Variants in FARS2 observed in about 807,000 individuals in gnomAD.
FARS2 encodes the protein phenylalanyl-tRNA synthetase 2, mitochondrial, also known as phenylalanine--tRNA ligase, mitochondrial.
Under a neutral mutation model 46.4 loss-of-function variants are expected in FARS2, and 40 were observed. That is an observed-to-expected ratio of 0.86 (90% CI 0.67 to 1.12). The LOEUF (loss-of-function observed/expected upper bound fraction) is 1.12, where lower values mean the gene tolerates loss of function less well. Ranked by LOEUF, FARS2 falls within the 50% of genes most tolerant of loss-of-function variation. FARS2 has a pLI of 0.00. For synonymous variants in FARS2, 234 were observed against 214.9 expected (o/e 1.09, Z -0.78); for missense variants, 513 against 567.9 (o/e 0.90, Z 0.98).
upstream of FARS2, among the ~76,000 whole-genome samples, chr6:5,260,114 T>C (rs1215879330): frequency 6.6e-6 from 1 of 152,208 alleles, no homozygotes; most frequent in Non-Finnish European, 1.5e-5. Flanking sequence ...CTTTTTCCTT[T>C]TCCGCTACGC....
rs562931868 is a variant in FARS2, at chr6:5,360,096, G to A, written c.-21-8454G>A. 2.0e-5 allele frequency among the ~76,000 whole-genome samples: 3 copies of A among 152,318 alleles called. No homozygotes were observed. The South Asian group carries it at 6.2e-4, about 32-fold the overall frequency. ...TCTAAATGGATGAAACTCAGGAAAA[G>A]GGTGTGAGATGCTCTCGGTACAACT... On this transcript the variant is annotated intron_variant, in intron 1 of 6. Transcript: ENST00000274680.
intron 1 of FARS2, among the ~76,000 whole-genome samples, chr6:5,342,924 C>T (rs72815644): frequency 6.6e-6 from 1 of 152,004 alleles, no homozygotes; most frequent in South Asian, 2.1e-4. Context: ...ATCAGAATAT[C>T]CTGGGAACTC....
At chr6:5,616,814 C>T (rs571028331) in intron 6 of FARS2, among the ~76,000 whole-genome samples, 12 of 152,032 alleles carry the variant, frequency 7.9e-5, no homozygotes, top group Non-Finnish European at 7.4e-5. Context: ...CTGATATGGC[C>T]GTAGCTTCAC....
chr6:5,434,577 G>A (rs879532386), intron 4 of FARS2, among the ~76,000 whole-genome samples: 3 of 152,200 alleles, frequency 2.0e-5, no homozygotes, highest in Non-Finnish European at 4.4e-5. Context: ...GATGTCTGTA[G>A]TTAAAATCTG....
At chr6:5,607,281 ATGTATGTGTGTGTGTG>A (rs58352134) in intron 5 of FARS2, among the ~76,000 whole-genome samples, 46,200 of 147,284 alleles carry the variant, frequency 0.31, 7,746 homozygotes, top group East Asian at 0.63. Flanking sequence ...AAAGAATAAT[ATGTATGTGTGTGTGTG>A]TGTGTGTGTG....
At chr6:5,399,052 G>C (rs949824578) in intron 2 of FARS2, among the ~76,000 whole-genome samples, 1 of 151,044 alleles carries the variant, frequency 6.6e-6, no homozygotes, top group East Asian at 1.9e-4. Flanking sequence ...CATTTATTTA[G>C]AATAAACTTC....
chr6:5,378,208 A>G (rs899621802), intron 2 of FARS2, among the ~76,000 whole-genome samples: 1 of 152,060 alleles, frequency 6.6e-6, no homozygotes, highest in Non-Finnish European at 1.5e-5. Flanking sequence ...GAGGGATTTT[A>G]GGAGCGTAGA....
intron 1 of FARS2, among the ~76,000 whole-genome samples, chr6:5,323,951 C>T (rs1433673105): frequency 6.6e-5 from 10 of 152,294 alleles, no homozygotes; most frequent in Admixed American, 1.3e-4. Context: ...TCCCTCCAGC[C>T]GGGAAGATGC....
intron 4 of FARS2, among the ~76,000 whole-genome samples, chr6:5,469,210 G>C (rs1044038168): frequency 1.3e-5 from 2 of 152,166 alleles, no homozygotes; most frequent in Non-Finnish European, 2.9e-5. Context: ...CGCACTTCCT[G>C]CTGTTTTCCC....
At chr6:5,732,607 A>G (rs534985522) in intron 6 of FARS2, among the ~76,000 whole-genome samples, 2 of 152,228 alleles carry the variant, frequency 1.3e-5, no homozygotes, top group African/African-American at 2.4e-5. Context: ...GACATTCTCA[A>G]TGAGGAGGGA....
At chr6:5,532,461 A>G (rs1455190215) in intron 4 of FARS2, among the ~76,000 whole-genome samples, 1 of 152,214 alleles carries the variant, frequency 6.6e-6, no homozygotes, top group Non-Finnish European at 1.5e-5. Flanking sequence ...TCTGTAATAT[A>G]TGAATGTTGG....
chr6:5,641,359 T>C (rs1248937368), intron 6 of FARS2, among the ~76,000 whole-genome samples: 2 of 152,154 alleles, frequency 1.3e-5, no homozygotes, highest in Non-Finnish European at 2.9e-5. Flanking sequence ...TGCAGTGGCA[T>C]GATCTTGGCT....
In FARS2 at chr6:5,763,222, C is replaced by T. The variant is rs1762580845; in HGVS notation, c.1218-8069C>T. Among the ~76,000 whole-genome samples, 4 of 152,084 alleles carry T rather than the reference C, an allele frequency of 2.6e-5. No individual in the cohort carries two copies. In the South Asian group the frequency reaches 8.3e-4, roughly 32 times the overall value. The stretch of plus-strand genomic sequence containing the variant: ...TCTTCCTGTGCAGGCTCTGGGAATG[C>T]TGGAGGATTGCTTGAGCCTAGGAGT... On this transcript the variant is annotated intron_variant, in intron 6 of 6. Transcript: ENST00000274680.
chr6:5,432,063 G>A (rs545623357), intron 4 of FARS2, among the ~76,000 whole-genome samples: 25 of 150,080 alleles, frequency 1.7e-4, no homozygotes, highest in African/African-American at 3.9e-4. Flanking sequence ...TTAGGAGGCC[G>A]TCCCAGCACT....
At chr6:5,424,599 A>G (rs1282098827) in intron 3 of FARS2, among the ~76,000 whole-genome samples, 2 of 152,210 alleles carry the variant, frequency 1.3e-5, no homozygotes, top group African/African-American at 4.8e-5. Flanking sequence ...AGATATTTGT[A>G]TTGGCTTAAC....
intron 6 of FARS2, among the ~76,000 whole-genome samples, chr6:5,614,717 A>G (rs1410447459): frequency 7.9e-5 from 12 of 152,160 alleles, no homozygotes; most frequent in Admixed American, 7.9e-4. Flanking sequence ...TGTCTTTTAA[A>G]GCATTCATTC....
chr6:5,310,754 C>G (rs2127547546), intron 1 of FARS2, among the ~76,000 whole-genome samples: 1 of 152,278 alleles, frequency 6.6e-6, no homozygotes, highest in East Asian at 1.9e-4. Flanking sequence ...CAGAAACTCC[C>G]TACCAAAACG....
chr6:5,471,779 C>T lies in FARS2; in HGVS notation c.904+40607C>T, dbSNP rs576523774. Among the ~76,000 whole-genome samples, 99 of 152,314 alleles carry T rather than the reference C, an allele frequency of 6.5e-4. No homozygotes were observed. Among genetic ancestry groups the T allele is most frequent in the African/African-American group, 2.3e-3 (94 of 41,570 alleles). ...TTCCCCAAGGCAGGGTCTTGTCCCA[C>T]CAGTGCACATGGTGCGCCCCGTCTG... On this transcript the variant is annotated intron_variant, in intron 4 of 6. Coordinates refer to ENST00000274680, the MANE Select transcript of FARS2 (RefSeq NM_006567.5). This position sits in a 1 kb window ranked among gnomAD's most constrained non-coding sequence, Gnocchi z 4.1.
chr6:5,461,198 C>G (rs1296854236), intron 4 of FARS2, among the ~76,000 whole-genome samples: 4 of 152,074 alleles, frequency 2.6e-5, no homozygotes, highest in Admixed American at 6.6e-5. Flanking sequence ...ACCATCACGC[C>G]TGGCTAATTT....
Sources: gnomAD v4.1 joint callset for allele counts (sites outside exome capture counted in the v4.1 genomes callset) on GRCh38, gnomAD v4.1.1 for gene constraint, Gnocchi (gnomAD v3.1) non-coding constraint, MANE v1.5 for transcripts, NCBI Gene and HGNC (gene_info 2026-07-23, HGNC 2026-07-21) for gene names.